The following THRB variants were observed in gnomAD, a reference collection of about 807,000 sequenced individuals.
The protein encoded by THRB is thyroid hormone receptor beta, also known as nuclear receptor subfamily 1 group A member 2.
Under a neutral mutation model 47.8 loss-of-function variants are expected in THRB, and 12 were observed. The observed-to-expected ratio is 0.25, with a 90% CI of 0.16 to 0.41. The LOEUF (loss-of-function observed/expected upper bound fraction) is 0.41. THRB is among the 10% of genes least tolerant of loss of function. The pLI is 1.00. For missense variants in THRB, 348 were observed against 589.2 expected, an observed-to-expected ratio of 0.59 and a Z score of 4.24; for synonymous variants, 218 against 212.2, an observed-to-expected ratio of 1.03 and a Z score of -0.24.
At chr3:24,477,546 G>A (rs2125833327) in intron 1 of THRB, among the ~76,000 whole-genome samples, 1 of 152,162 alleles carries the variant, frequency 6.6e-6, no homozygotes, top group Non-Finnish European at 1.5e-5. Context: ...TATACTGCTG[G>A]TCTGGGGGCA....
chr3:24,179,283 C>A (rs1262271832), intron 5 of THRB, among the ~76,000 whole-genome samples: 3 of 137,678 alleles, frequency 2.2e-5, no homozygotes, highest in East Asian at 2.0e-4. Flanking sequence ...CAACGTTAAA[C>A]TTCCCAATTC....
At chr3:24,311,778 C>T (rs2057777668) in intron 2 of THRB, among the ~76,000 whole-genome samples, 1 of 152,194 alleles carries the variant, frequency 6.6e-6, no homozygotes, top group Non-Finnish European at 1.5e-5. Flanking sequence ...GATTATAGAA[C>T]AGCCTTGCAA....
chr3:24,299,931 C>T (rs1308356110), intron 2 of THRB, among the ~76,000 whole-genome samples: 1 of 151,896 alleles, frequency 6.6e-6, no homozygotes, highest in Non-Finnish European at 1.5e-5. Context: ...AGGAGCAGGA[C>T]AGCTTTGAGT....
Position 24,165,641 on chromosome 3 carries a change from T to G in THRB, c.284-13151A>C, listed in dbSNP as rs1283608491. ...GCAGATTTATGACTATCAAAGGTCT[T>G]AAGCTGTGCATGCAGCTAGTTAATT... On this transcript the variant is annotated intron_variant, in intron 5 of 10. Coordinates refer to ENST00000646209, the MANE Select transcript of THRB (RefSeq NM_001354712.2). 5.2e-5 allele frequency: 17 copies of G among 325,990 alleles called. No homozygotes were observed. The Admixed American group carries it at 6.4e-4, about 12-fold the overall frequency. The allele number at this position is 325,990 out of a possible 1,614,324, so 20.2% of individuals were successfully genotyped here.
At chr3:24,456,888 T>C (rs76652368) in intron 1 of THRB, among the ~76,000 whole-genome samples, 2,451 of 152,098 alleles carry the variant, frequency 0.016, 34 homozygotes, top group Non-Finnish European at 0.026. Flanking sequence ...TGTGATTCTA[T>C]CTAATTTCTG....
At chr3:24,472,983 G>C (rs1212456659) in intron 1 of THRB, among the ~76,000 whole-genome samples, 1 of 151,974 alleles carries the variant, frequency 6.6e-6, no homozygotes, top group East Asian at 1.9e-4. Flanking sequence ...GAGCTTATCT[G>C]TGACTCACCA....
chr3:24,445,562 C>CA (rs1219446632), intron 1 of THRB, among the ~76,000 whole-genome samples: 1 of 151,968 alleles, frequency 6.6e-6, no homozygotes, highest in African/African-American at 2.4e-5. Context: ...AACAAGTTAC[C>CA]AAAAATCCTT....
Position 24,202,521 on chromosome 3 carries a change from C to T in THRB, c.23-12187G>A, listed in dbSNP as rs78643285. ...ATTTATGACCGGCTCTGCCTCCAAA[C>T]GGCCAAACTTAAAAAGATGGCAAAA... On this transcript the variant is annotated intron_variant, in intron 4 of 10. Transcript: ENST00000646209. Among the ~76,000 whole-genome samples the T allele has an allele frequency of 6.2e-3, 946 of 152,220 alleles. 6 individuals are homozygous for T. Among genetic ancestry groups the T allele is most frequent in the African/African-American group, 0.021 (865 of 41,524 alleles).
chr3:24,337,294 T>C lies in THRB; in HGVS notation c.-189+6A>G, dbSNP rs564896306. 2.6e-5 allele frequency: 4 copies of C among 152,314 alleles called. No homozygotes were observed. The South Asian group carries it at 8.3e-4, about 32-fold the overall frequency. 9.4% of individuals were successfully genotyped at this position (152,314 alleles called of 1,614,324 possible). Reference sequence around the variant, plus strand: ...AAGTCTGCAAATAGTCAAGCTGACATCTGACCTTCTTATTCATTAAATCAT... The same window carrying C: ...AAGTCTGCAAATAGTCAAGCTGACACCTGACCTTCTTATTCATTAAATCAT... On this transcript the variant is annotated splice_donor_region_variant and intron_variant, in intron 2 of 10. Transcript: ENST00000646209.
chr3:24,186,415 G>A (rs1368006151), intron 5 of THRB, among the ~76,000 whole-genome samples: 2 of 150,020 alleles, frequency 1.3e-5, no homozygotes, highest in Non-Finnish European at 3.0e-5. Context: ...TGCCAAGGAA[G>A]TGTGGCATGG....
intron 4 of THRB, among the ~76,000 whole-genome samples, chr3:24,219,558 TAAC>T (rs2046952941): frequency 6.6e-6 from 1 of 152,180 alleles, no homozygotes; most frequent in Non-Finnish European, 1.5e-5. Context: ...TGGGCAAAAG[TAAC>T]AACAGACACC....
chr3:24,257,487 A>G (rs576279366), intron 3 of THRB, among the ~76,000 whole-genome samples: 1 of 152,304 alleles, frequency 6.6e-6, no homozygotes, highest in South Asian at 2.1e-4. Flanking sequence ...AAATTTAGAT[A>G]ATTTATATGG....
chr3:24,166,544 T>G (rs1308423294), intron 5 of THRB, among the ~76,000 whole-genome samples: 1 of 152,180 alleles, frequency 6.6e-6, no homozygotes, highest in Non-Finnish European at 1.5e-5. Flanking sequence ...CAAATTAGAT[T>G]GTGAATGCTT....
At chr3:24,170,291 A>C (rs1228006226) in intron 5 of THRB, among the ~76,000 whole-genome samples, 1 of 152,148 alleles carries the variant, frequency 6.6e-6, no homozygotes, top group Non-Finnish European at 1.5e-5. Flanking sequence ...TATATGTTTA[A>C]TCCAACTACT....
chr3:24,369,007 A>G (rs144404264), intron 1 of THRB, among the ~76,000 whole-genome samples: 1 of 152,180 alleles, frequency 6.6e-6, no homozygotes, highest in African/African-American at 2.4e-5. Flanking sequence ...ATTACTTTCA[A>G]CTCACTGTAA....
chr3:24,197,896 GT>G (rs1469254783), intron 4 of THRB, among the ~76,000 whole-genome samples: 1 of 152,236 alleles, frequency 6.6e-6, no homozygotes, highest in South Asian at 2.1e-4. Context: ...CTCAGGCTGT[GT>G]AAACCAACCG....
In THRB at chr3:24,133,373, G is replaced by T; in HGVS notation, c.828C>A (p.Ile276=). 6.2e-7 allele frequency: 1 copy of T among 1,614,130 alleles called. No homozygotes were observed. The highest frequency in any genetic ancestry group is 1.1e-5 in the South Asian group (1 of 91,072). Reference sequence around the variant, plus strand: ...CCACCACTCTGGTAATTGCTGGTGTGATGATTTTTGTAAAATGGCTGAAGG... The same window carrying T: ...CCACCACTCTGGTAATTGCTGGTGTTATGATTTTTGTAAAATGGCTGAAGG... ...LEAFSHFTKI[I]TPAITRVVDF... is the part of the protein sequence containing the mutation. The change falls in exon 9 of 11, where the codon ATC becomes ATA. Residue 276 remains isoleucine, a synonymous_variant. Coordinates refer to ENST00000646209, the MANE Select transcript of THRB (RefSeq NM_001354712.2).
At position 24,427,403 on chromosome 3, in the gene THRB, TGGATCTGTG is replaced by T. The variant is rs570778631; in HGVS notation, c.-261+67240_-261+67248del. ...AAAATAGCAAACCCTGCACTGAAGTTGGATCTGTGACTGAGGTAAACCTCTCCCTTCCAG... is the reference window on the plus strand; with the variant it reads ...AAAATAGCAAACCCTGCACTGAAGTTACTGAGGTAAACCTCTCCCTTCCAG... On this transcript the variant is annotated intron_variant, in intron 1 of 10. Coordinates refer to ENST00000646209, the MANE Select transcript of THRB (RefSeq NM_001354712.2). 5.0e-4 allele frequency among the ~76,000 whole-genome samples: 76 copies of T among 152,162 alleles called. No individual in the cohort carries two copies. In the East Asian group the frequency reaches 0.011, roughly 22 times the overall value.
chr3:24,399,743 A>G (rs1197934698), intron 1 of THRB, among the ~76,000 whole-genome samples: 1 of 152,120 alleles, frequency 6.6e-6, no homozygotes, highest in African/African-American at 2.4e-5. Context: ...ACAAACACCC[A>G]GAGAAATTAA....
Sources: allele counts gnomAD v4.1 joint callset (sites outside exome capture counted in the v4.1 genomes callset), GRCh38; gene constraint gnomAD v4.1.1; transcripts MANE v1.5; gene names NCBI Gene and HGNC (gene_info 2026-07-23, HGNC 2026-07-21).